The following ADAMTSL1 variants were observed in gnomAD, a reference collection of about 807,000 sequenced individuals.
The protein encoded by ADAMTSL1 is ADAMTS-like protein 1.
In ADAMTSL1, 126 loss-of-function variants were observed where a neutral mutation model predicts 201.8. That is an observed-to-expected ratio of 0.62 (90% CI 0.54 to 0.72). The LOEUF (loss-of-function observed/expected upper bound fraction) is 0.72, where lower values mean the gene tolerates loss of function less well. ADAMTSL1 is among the 30% of genes least tolerant of loss of function. The probability of loss-of-function intolerance (pLI) is 0.00; values close to 1 mark genes in which losing one functional copy is unlikely to be tolerated. For synonymous variants in ADAMTSL1, 1,121 were observed against 903.4 expected (o/e 1.24, Z -4.32); for missense variants, 2,679 against 2,277.8 (o/e 1.18, Z -3.59).
intron 1 of ADAMTSL1, among the ~76,000 whole-genome samples, chr9:18,070,308 C>G (rs900345032): frequency 1.1e-4 from 16 of 152,160 alleles, no homozygotes; most frequent in African/African-American, 3.4e-4. Context: ...ACCCATCTGA[C>G]TTGGTCGACA....
chr9:18,177,466 G>A (rs563894804), intron 2 of ADAMTSL1, among the ~76,000 whole-genome samples: 24 of 152,238 alleles, frequency 1.6e-4, no homozygotes, highest in Non-Finnish European at 2.8e-4. Flanking sequence ...AGACAGTGGC[G>A]TGAAAATAGA....
intron 15 of ADAMTSL1, among the ~76,000 whole-genome samples, chr9:18,752,669 C>T (rs1156789467): frequency 6.6e-6 from 1 of 152,186 alleles, no homozygotes; most frequent in Non-Finnish European, 1.5e-5. Context: ...AGTGCTACAT[C>T]CAGATAATGA....
chr9:18,826,058 G>A (rs905897371), intron 21 of ADAMTSL1: 13 of 614,982 alleles, frequency 2.1e-5, no homozygotes, highest in Non-Finnish European at 3.7e-5. Flanking sequence ...CAACTGAGAT[G>A]TTTATCTTGT....
chr9:18,642,045 G>C (rs1399411206), intron 7 of ADAMTSL1, among the ~76,000 whole-genome samples: 2 of 151,950 alleles, frequency 1.3e-5, no homozygotes, highest in Admixed American at 6.6e-5. Flanking sequence ...TCATCCTTGA[G>C]ATGGGGTCAT....
chr9:18,202,540 A>T (rs1258490365), intron 2 of ADAMTSL1, among the ~76,000 whole-genome samples: 1 of 152,158 alleles, frequency 6.6e-6, no homozygotes. Flanking sequence ...CTGGCATGTT[A>T]TTCTGTCTCC....
At chr9:18,716,285 G>T (rs1354170070) in intron 14 of ADAMTSL1, among the ~76,000 whole-genome samples, 89 of 151,974 alleles carry the variant, frequency 5.9e-4, no homozygotes, top group South Asian at 2.1e-3. Flanking sequence ...GAAACTACCA[G>T]CAGAGTGAAC....
intron 1 of ADAMTSL1, among the ~76,000 whole-genome samples, chr9:17,918,795 T>C (rs1052130356): frequency 1.3e-5 from 2 of 151,934 alleles, no homozygotes; most frequent in African/African-American, 4.8e-5. Flanking sequence ...ATATTACCAC[T>C]GTAGACTTGT....
At chr9:18,591,461 A>G (rs1188978100) in intron 4 of ADAMTSL1, among the ~76,000 whole-genome samples, 1 of 152,094 alleles carries the variant, frequency 6.6e-6, no homozygotes, top group Non-Finnish European at 1.5e-5. Context: ...CTTATTATTT[A>G]TTCCATTCAG....
intron 2 of ADAMTSL1, among the ~76,000 whole-genome samples, chr9:18,233,514 G>C (rs555239736): frequency 2.6e-5 from 4 of 152,178 alleles, no homozygotes; most frequent in East Asian, 1.9e-4. Context: ...GATGCCTGCT[G>C]TATGCCAGGT....
intron 1 of ADAMTSL1, among the ~76,000 whole-genome samples, chr9:18,101,068 C>G (rs1056322419): frequency 6.6e-6 from 1 of 152,230 alleles, no homozygotes; most frequent in African/African-American, 2.4e-5. Context: ...TCTTTTCTTT[C>G]TCTTTCTGTC....
chr9:17,920,092 A>G (rs1222293182), intron 1 of ADAMTSL1, among the ~76,000 whole-genome samples: 1 of 152,062 alleles, frequency 6.6e-6, no homozygotes, highest in Non-Finnish European at 1.5e-5. Context: ...GGATCTTTTC[A>G]TTTTTACTTA....
chr9:18,293,262 T>G (rs1833343384), intron 2 of ADAMTSL1, among the ~76,000 whole-genome samples: 2 of 152,248 alleles, frequency 1.3e-5, no homozygotes, highest in Admixed American at 6.5e-5. Context: ...ACAATTTGTT[T>G]TCTTTTGGAT....
At chr9:17,952,794 C>T (rs4568696) in intron 1 of ADAMTSL1, among the ~76,000 whole-genome samples, 87,175 of 151,458 alleles carry the variant, frequency 0.58, 25,524 homozygotes, top group East Asian at 0.92. Flanking sequence ...CCCAAAGTGC[C>T]GGGCTTACAG....
At chr9:18,422,581 T>C (rs1301249597) in intron 2 of ADAMTSL1, among the ~76,000 whole-genome samples, 1 of 152,140 alleles carries the variant, frequency 6.6e-6, no homozygotes, top group Non-Finnish European at 1.5e-5. Flanking sequence ...CACCACGCAC[T>C]GTGTGCCCCT....
intron 1 of ADAMTSL1, among the ~76,000 whole-genome samples, chr9:17,998,722 G>A (rs1156624120): frequency 6.6e-6 from 1 of 152,030 alleles, no homozygotes; most frequent in Non-Finnish European, 1.5e-5. Context: ...TTCTTTATAA[G>A]TATTGAATTT....
At chr9:18,407,933 T>C (rs990013988) in intron 2 of ADAMTSL1, among the ~76,000 whole-genome samples, 2 of 152,162 alleles carry the variant, frequency 1.3e-5, no homozygotes, top group Admixed American at 6.5e-5. Flanking sequence ...TGCAATGTTA[T>C]AGGGGATGTT....
At chr9:18,134,722 G>T (rs954132844) in intron 1 of ADAMTSL1, among the ~76,000 whole-genome samples, 1 of 152,134 alleles carries the variant, frequency 6.6e-6, no homozygotes, top group African/African-American at 2.4e-5. Context: ...ATCGAATATA[G>T]GGAGATGAAT....
At position 17,909,533 on chromosome 9, in the gene ADAMTSL1, G is replaced by A. The variant is rs1275230478; in HGVS notation, c.87+2611G>A. On this transcript the variant is annotated intron_variant, in intron 1 of 29. Coordinates refer to the ADAMTSL1 transcript ENST00000680146. ...GGAAGGGATGCAGACACATGCACAC[G>A]TATGTTTATTGCAGCATTATTCACA... is the stretch of plus-strand genomic sequence containing the variant. Among the ~76,000 whole-genome samples the A allele has an allele frequency of 1.4e-4, 9 of 66,052 alleles. 3 individuals carry two copies. Among genetic ancestry groups the A allele is most frequent in the Non-Finnish European group, 3.7e-4 (8 of 21,420 alleles). 43.3% of individuals were successfully genotyped at this position (66,052 alleles called of 152,430 possible).
intron 23 of ADAMTSL1, among the ~76,000 whole-genome samples, chr9:18,840,695 A>C (rs1201103154): frequency 6.6e-6 from 1 of 151,364 alleles, no homozygotes; most frequent in African/African-American, 2.4e-5. Flanking sequence ...ATTTGTTTGT[A>C]TCCTCTTTTA....
Sources: allele counts gnomAD v4.1 joint callset (sites outside exome capture counted in the v4.1 genomes callset), GRCh38; gene constraint gnomAD v4.1.1; transcripts MANE v1.5; gene names NCBI Gene and HGNC (gene_info 2026-07-23, HGNC 2026-07-21).